Variants in MAP2K5 observed in about 807,000 individuals in gnomAD.
The protein encoded by MAP2K5 is dual specificity mitogen-activated protein kinase kinase 5.
In MAP2K5, 49 loss-of-function variants were observed where a neutral mutation model predicts 83.1. That is an observed-to-expected ratio of 0.59 (90% CI 0.47 to 0.75). The LOEUF (loss-of-function observed/expected upper bound fraction) is 0.75, where lower values mean the gene tolerates loss of function less well. Ranked by LOEUF, MAP2K5 falls within the 30% of genes least tolerant of loss-of-function variation. MAP2K5 has a pLI of 0.00. For missense variants in MAP2K5, 457 were observed against 557.5 expected, an observed-to-expected ratio of 0.82 and a Z score of 1.82; for synonymous variants, 202 against 191.8, an observed-to-expected ratio of 1.05 and a Z score of -0.44.
rs760449280 is a variant in MAP2K5, at chr15:67,769,582, A to G, written c.1135-20A>G. ...AGGAACTGTTGTGACTTTTGGTGACATGTTTTTCCTCCATCACAGGATTCG... is the reference window on the plus strand; with the variant it reads ...AGGAACTGTTGTGACTTTTGGTGACGTGTTTTTCCTCCATCACAGGATTCG... On this transcript the variant is annotated intron_variant, in intron 19 of 21. Coordinates refer to ENST00000178640, the MANE Select transcript of MAP2K5 (RefSeq NM_145160.3). The surrounding 1 kb of genome is among the most constrained non-coding windows in gnomAD (Gnocchi z 5.2). 1.7e-5 allele frequency: 28 copies of G among 1,612,746 alleles called. No homozygotes were observed. Among genetic ancestry groups the G allele is most frequent in the Non-Finnish European group, 2.3e-5 (27 of 1,179,052 alleles).
chr15:67,701,795 A>C (rs1251089133), intron 15 of MAP2K5, among the ~76,000 whole-genome samples: 1 of 152,226 alleles, frequency 6.6e-6, no homozygotes, highest in Non-Finnish European at 1.5e-5. Context: ...GGCTGCTCCA[A>C]AAACTGCACA....
intron 8 of MAP2K5, among the ~76,000 whole-genome samples, chr15:67,624,200 G>A (rs147666421): frequency 0.01 from 1,590 of 151,924 alleles, 47 homozygotes; most frequent in Admixed American, 0.067. Context: ...TTAGCCAGGC[G>A]TGCTGGCGGG....
intron 19 of MAP2K5, among the ~76,000 whole-genome samples, chr15:67,767,848 C>T (rs1337869443): frequency 3.9e-5 from 6 of 152,072 alleles, no homozygotes; most frequent in African/African-American, 1.4e-4. Context: ...TGCGTGTAAT[C>T]CTTTGAACTT....
At chr15:67,784,435 G>A (rs1274707593) in intron 21 of MAP2K5, among the ~76,000 whole-genome samples, 1 of 152,226 alleles carries the variant, frequency 6.6e-6, no homozygotes, top group Non-Finnish European at 1.5e-5. Flanking sequence ...TGCTTGTGAA[G>A]CCAATGCCCC....
rs182832603 is a variant in MAP2K5, at chr15:67,715,931, A to T, written c.1045-11985A>T. Among the ~76,000 whole-genome samples, 7 of 152,342 alleles carry T rather than the reference A, an allele frequency of 4.6e-5. No individual in the cohort carries two copies. The East Asian group carries it at 1.3e-3, about 29-fold the overall frequency. ...AGGTAAAAATGTCCCATCCCTGGGG[A>T]CACATAAGTAGGGACTGAAGGACTG... On this transcript the variant is annotated intron_variant, in intron 16 of 21. Coordinates refer to ENST00000178640, the MANE Select transcript of MAP2K5 (RefSeq NM_145160.3).
At chr15:67,590,619 A>T (rs1003968968) in intron 6 of MAP2K5, among the ~76,000 whole-genome samples, 1 of 151,958 alleles carries the variant, frequency 6.6e-6, no homozygotes, top group African/African-American at 2.4e-5. Context: ...TGCCTGGCTA[A>T]GTTTTTAATT....
chr15:67,711,360 A>G (rs1331028641), intron 16 of MAP2K5, among the ~76,000 whole-genome samples: 1 of 152,238 alleles, frequency 6.6e-6, no homozygotes, highest in Non-Finnish European at 1.5e-5. Flanking sequence ...TTACCAAGGT[A>G]TCAGATCCAG....
intron 13 of MAP2K5, among the ~76,000 whole-genome samples, chr15:67,666,911 T>A (rs899487158): frequency 5.9e-5 from 9 of 152,222 alleles, no homozygotes; most frequent in African/African-American, 2.2e-4. Flanking sequence ...TGAACAGTTA[T>A]GTCCCAGTAG....
chr15:67,695,121 A>C (rs1197246204), intron 15 of MAP2K5, among the ~76,000 whole-genome samples: 1 of 90,524 alleles, frequency 1.1e-5, no homozygotes, highest in Non-Finnish European at 2.2e-5. Context: ...GGTTGGGGGG[A>C]GGGGGGAGGG....
chr15:67,739,454 A>T (rs1596886639), intron 17 of MAP2K5, among the ~76,000 whole-genome samples: 5 of 16,730 alleles, frequency 3.0e-4, no homozygotes, highest in African/African-American at 5.6e-4. Context: ...ATATATATAT[A>T]TATATATATT....
In MAP2K5 at chr15:67,690,056, G is replaced by A. The variant is rs116422594; in HGVS notation, c.848-2423G>A. Among the ~76,000 whole-genome samples the A allele has an allele frequency of 8.7e-3, 1,320 of 152,236 alleles. 15 individuals are homozygous for A. The highest frequency in any genetic ancestry group is 0.03 in the African/African-American group (1,261 of 41,530). The stretch of plus-strand genomic sequence containing the variant: ...TTTTAAATCTCTTCAGCTATTGTTA[G>A]TGTATTTTATATGTGGTCCAAGACA... On this transcript the variant is annotated intron_variant, in intron 13 of 21. Coordinates refer to ENST00000178640, the MANE Select transcript of MAP2K5 (RefSeq NM_145160.3). The surrounding 1 kb of genome is among the most constrained non-coding windows in gnomAD (Gnocchi z 4.3).
intron 21 of MAP2K5, among the ~76,000 whole-genome samples, chr15:67,804,761 T>G (rs987430374): frequency 6.6e-6 from 1 of 152,180 alleles, no homozygotes; most frequent in East Asian, 1.9e-4. Flanking sequence ...GCTTCTCCCT[T>G]TGTTCTTTAG....
chr15:67,561,474 C>G lies in MAP2K5; in HGVS notation c.185-1809C>G, dbSNP rs1168055471. ...TCTCAGGACTGTGCCTTCTTCATTA[C>G]TGCAAGTGACCAGTGTATGCCTTTT... is the stretch of plus-strand genomic sequence containing the variant. On this transcript the variant is annotated intron_variant, in intron 2 of 21. Coordinates refer to ENST00000178640, the MANE Select transcript of MAP2K5 (RefSeq NM_145160.3). This position sits in a 1 kb window ranked among gnomAD's most constrained non-coding sequence, Gnocchi z 4.2. Among the ~76,000 whole-genome samples, 1 of 152,158 alleles carries G rather than the reference C, an allele frequency of 6.6e-6. No individual in the cohort carries two copies. The highest frequency in any genetic ancestry group is 1.5e-5 in the Non-Finnish European group (1 of 68,042).
intron 19 of MAP2K5, among the ~76,000 whole-genome samples, chr15:67,767,164 A>G (rs575309005): frequency 1.3e-5 from 2 of 152,334 alleles, no homozygotes; most frequent in East Asian, 3.9e-4. Context: ...AGGCTACAAT[A>G]TCAGGTCTTA....
At position 67,585,886 on chromosome 15, in the gene MAP2K5, T is replaced by G; in HGVS notation, c.323-4T>G. ...TTCTACAATTTAGTCAATTACTGTT[T>G]CAGCCTGCAAGCCTCCTGGGGAACG... is the stretch of plus-strand genomic sequence containing the variant. On this transcript the variant is annotated splice_region_variant and splice_polypyrimidine_tract_variant and intron_variant, in intron 4 of 21. Transcript: ENST00000178640. 1.2e-6 allele frequency: 2 copies of G among 1,613,818 alleles called. No individual in the cohort carries two copies. Among genetic ancestry groups the G allele is most frequent in the Non-Finnish European group, 8.5e-7 (1 of 1,179,710 alleles).
intron 9 of MAP2K5, among the ~76,000 whole-genome samples, chr15:67,633,589 A>T (rs2086524742): frequency 6.6e-6 from 1 of 152,244 alleles, no homozygotes; most frequent in Admixed American, 6.5e-5. Context: ...AGAGACTGTC[A>T]GTAAATGAAA....
chr15:67,561,681 C>A lies in MAP2K5; in HGVS notation c.185-1602C>A, dbSNP rs7162488. ...CTTGGAAAGAGTGAGAGCTATGGGTCACTGAACAGGACTGGTCCAAGTGCT... is the reference window on the plus strand; with the variant it reads ...CTTGGAAAGAGTGAGAGCTATGGGTAACTGAACAGGACTGGTCCAAGTGCT... On this transcript the variant is annotated intron_variant, in intron 2 of 21. Coordinates refer to ENST00000178640, the MANE Select transcript of MAP2K5 (RefSeq NM_145160.3). The surrounding 1 kb of genome is among the most constrained non-coding windows in gnomAD (Gnocchi z 4.2). Among the ~76,000 whole-genome samples the A allele has an allele frequency of 8.2e-3, 1,243 of 152,148 alleles. 19 individuals are homozygous for A. The highest frequency in any genetic ancestry group is 0.028 in the African/African-American group (1,177 of 41,492).
intron 13 of MAP2K5, among the ~76,000 whole-genome samples, chr15:67,671,945 G>C (rs2087550513): frequency 6.6e-6 from 1 of 151,262 alleles, no homozygotes; most frequent in African/African-American, 2.4e-5. Context: ...AGTTTACTGA[G>C]AATGATGATT....
chr15:67,545,271 C>T (rs1216526630), intron 1 of MAP2K5, among the ~76,000 whole-genome samples: 1 of 152,210 alleles, frequency 6.6e-6, no homozygotes. Context: ...TTGTCTCCTC[C>T]ACTAGATGGT....
Sources: allele counts gnomAD v4.1 joint callset (sites outside exome capture counted in the v4.1 genomes callset), GRCh38; gene constraint gnomAD v4.1.1; non-coding constraint Gnocchi (gnomAD v3.1); transcripts MANE v1.5; gene names NCBI Gene and HGNC (gene_info 2026-07-23, HGNC 2026-07-21).